The following COA1 variants were observed in gnomAD, a reference collection of about 807,000 sequenced individuals.
COA1 encodes the protein cytochrome c oxidase assembly factor 1 homolog.
COA1 carries 13 observed loss-of-function variants against 16.0 expected under a neutral mutation model. The ratio of observed to expected loss-of-function variants is 0.81; its 90% confidence interval spans 0.53 to 1.29. The LOEUF (loss-of-function observed/expected upper bound fraction) is 1.29, where lower values mean the gene tolerates loss of function less well. Among genes scored for constraint, COA1 ranks in the 50% most tolerant of loss-of-function variants. The pLI is 0.00. For synonymous variants in COA1, 65 were observed against 65.7 expected (o/e 0.99, Z 0.05); for missense variants, 179 against 177.0 (o/e 1.01, Z -0.06).
At chr7:43,692,587 G>T (rs1398405845) in intron 1 of COA1, among the ~76,000 whole-genome samples, 5 of 151,858 alleles carry the variant, frequency 3.3e-5, no homozygotes, top group African/African-American at 1.2e-4. Flanking sequence ...TGGACAGAAA[G>T]GGGCACAAGT....
At chr7:43,709,149 G>A (rs2095115456) in intron 1 of COA1, among the ~76,000 whole-genome samples, 2 of 151,194 alleles carry the variant, frequency 1.3e-5, no homozygotes, top group Admixed American at 6.6e-5. Context: ...TCAGCCTACC[G>A]AGTAGCTGGG....
chr7:43,717,725 C>A (rs1376315518), intron 1 of COA1, among the ~76,000 whole-genome samples: 1 of 152,090 alleles, frequency 6.6e-6, no homozygotes, highest in Non-Finnish European at 1.5e-5. Context: ...GGCTCTATGT[C>A]CCTATTCAAA....
At chr7:43,615,098 CACTGA>C (rs1188185977) in intron 6 of COA1, among the ~76,000 whole-genome samples, 1 of 152,198 alleles carries the variant, frequency 6.6e-6, no homozygotes, top group Non-Finnish European at 1.5e-5. Context: ...GAATATGTAT[CACTGA>C]ACCAAAGCCC....
In COA1 at chr7:43,615,961, G is replaced by A. The variant is rs146534859; in HGVS notation, c.*134-6466C>T. ...GCACACACCCCAAGCAACCACTCTC[G>A]CCCATCACCCTGCTTTGAGTTCCCC... On this transcript the variant is annotated intron_variant and NMD_transcript_variant, in intron 6 of 6. Coordinates refer to the COA1 transcript ENST00000415076. Among the ~76,000 whole-genome samples the A allele has an allele frequency of 1.2e-3, 177 of 152,064 alleles. 2 individuals are homozygous for A. The highest frequency in any genetic ancestry group is 9.8e-3 in the East Asian group (51 of 5,184).
At chr7:43,682,950 AGT>A (rs1418840927) in intron 1 of COA1, among the ~76,000 whole-genome samples, 5 of 152,198 alleles carry the variant, frequency 3.3e-5, no homozygotes, top group African/African-American at 1.2e-4. Flanking sequence ...CCCAAATTCT[AGT>A]GATCTTGTGC....
At chr7:43,725,033 G>A (rs1179562222) in intron 1 of COA1, among the ~76,000 whole-genome samples, 2 of 152,238 alleles carry the variant, frequency 1.3e-5, no homozygotes, top group Non-Finnish European at 2.9e-5. Flanking sequence ...GAGGTCGAGA[G>A]TTCAAGACCA....
intron 3 of COA1, 119 bp from the exon 4 acceptor site, chr7:43,645,518 G>T: frequency 7.9e-6 from 7 of 885,278 alleles, no homozygotes. Flanking sequence ...GAAATCTGTG[G>T]ATGGACGAAT....
chr7:43,681,039 T>C (rs1375049775), intron 1 of COA1, among the ~76,000 whole-genome samples: 1 of 152,234 alleles, frequency 6.6e-6, no homozygotes, highest in African/African-American at 2.4e-5. Flanking sequence ...CTGTTCCATT[T>C]ATTCTGGTTT....
chr7:43,619,505 A>G, intron 6 of COA1: 2 of 1,454,484 alleles, frequency 1.4e-6, no homozygotes, highest in African/African-American at 2.8e-5. Context: ...CCTCAGTCTC[A>G]GTTTCATAGG....
At chr7:43,649,288 A>G (rs987443221) in intron 1 of COA1, 7 of 152,272 alleles carry the variant, frequency 4.6e-5, no homozygotes, top group African/African-American at 1.4e-4. Flanking sequence ...TAATAAGTGA[A>G]TAAGTGGTAG....
intron 1 of COA1, among the ~76,000 whole-genome samples, chr7:43,691,474 AAAGAAAT>A (rs2094365217): frequency 7.0e-6 from 1 of 142,768 alleles, no homozygotes. Flanking sequence ...AGAAAGAAAG[AAAGAAAT>A]TATCATCAAT....
chr7:43,707,697 G>A (rs888792200), intron 1 of COA1, among the ~76,000 whole-genome samples: 3 of 152,128 alleles, frequency 2.0e-5, no homozygotes, highest in Admixed American at 6.6e-5. Context: ...TGTGTAAATT[G>A]AGTTTGTTCA....
At chr7:43,663,276 C>T (rs1270956887) in intron 1 of COA1, among the ~76,000 whole-genome samples, 1 of 152,210 alleles carries the variant, frequency 6.6e-6, no homozygotes, top group Non-Finnish European at 1.5e-5. Context: ...TGGCACCACA[C>T]CTGTACAGCC....
chr7:43,639,727 G>T, intron 5 of COA1, 46 bp from the exon 6 acceptor site: 2 of 1,457,032 alleles, frequency 1.4e-6, no homozygotes, highest in South Asian at 1.2e-5. Context: ...TGAAGGCTGA[G>T]GCAACAGCCG....
chr7:43,710,348 CAAAAAAAAAAAAAA>C (rs1165121530), intron 1 of COA1, among the ~76,000 whole-genome samples: 2 of 52,442 alleles, frequency 3.8e-5, no homozygotes, highest in Non-Finnish European at 7.0e-5. Context: ...GACTCTGTCT[CAAAAAAAAAAAAAA>C]AAAAAAAAAA....
intron 1 of COA1, among the ~76,000 whole-genome samples, chr7:43,663,754 C>T (rs983681129): frequency 2.0e-5 from 3 of 151,714 alleles, no homozygotes; most frequent in Non-Finnish European, 4.4e-5. Flanking sequence ...TCCCCCAAGC[C>T]CCAGCAACTA....
chr7:43,638,357 AC>A (rs1292184068), downstream of COA1, among the ~76,000 whole-genome samples: 1 of 152,046 alleles, frequency 6.6e-6, no homozygotes. Flanking sequence ...GGTTAAACTG[AC>A]CTTTTCAAAG....
chr7:43,703,623 T>C (rs1401802546), intron 1 of COA1, among the ~76,000 whole-genome samples: 1 of 152,200 alleles, frequency 6.6e-6, no homozygotes, highest in Non-Finnish European at 1.5e-5. Flanking sequence ...TTATTGTTGG[T>C]TTAAAGTCGG....
At position 43,648,647 on chromosome 7, in the gene COA1, G is replaced by A. The variant is rs2090092879; in HGVS notation, c.-33C>T. 2 of 1,610,728 alleles carry A rather than the reference G, an allele frequency of 1.2e-6. No homozygotes were observed. Among genetic ancestry groups the A allele is most frequent in the East Asian group, 4.5e-5 (2 of 44,690 alleles). On this transcript the variant is annotated 5_prime_UTR_variant, in exon 2 of 6. Coordinates refer to ENST00000223336, the MANE Select transcript of COA1 (RefSeq NM_018224.4). ...CTCTCTTGAAAATCATCAAAGGCAAGTTGTCCTGCAATTAGAAAAGATTTT... is the reference window on the plus strand; with the variant it reads ...CTCTCTTGAAAATCATCAAAGGCAAATTGTCCTGCAATTAGAAAAGATTTT...
Sources: gnomAD v4.1 joint callset for allele counts (sites outside exome capture counted in the v4.1 genomes callset) on GRCh38, gnomAD v4.1.1 for gene constraint, MANE v1.5 for transcripts, NCBI Gene and HGNC (gene_info 2026-07-23, HGNC 2026-07-21) for gene names.